The following NYAP2 variants were observed in gnomAD, a reference collection of about 807,000 sequenced individuals.
The protein encoded by NYAP2 is neuronal tyrosine-phosphorylated phosphoinositide-3-kinase adapter 2.
Under a neutral mutation model 50.4 loss-of-function variants are expected in NYAP2, and 23 were observed. That is an observed-to-expected ratio of 0.46 (90% confidence interval 0.33 to 0.65). The LOEUF (loss-of-function observed/expected upper bound fraction) is 0.65, where lower values mean the gene tolerates loss of function less well. NYAP2 is among the 30% of genes least tolerant of loss of function. NYAP2 has a pLI of 0.02. For synonymous variants in NYAP2, 394 were observed against 365.2 expected, an observed-to-expected ratio of 1.08 and a Z score of -0.90; for missense variants, 885 against 861.0, an observed-to-expected ratio of 1.03 and a Z score of -0.35.
At chr2:225,703,467 C>T in the NYAP2 span, 1 of 151,538 alleles carries the variant, frequency 6.6e-6, no homozygotes, top group Non-Finnish European at 1.5e-5. Context: ...TTTAATGTCT[C>T]TTAATTTTTG....
intron 3 of NYAP2, among the ~76,000 whole-genome samples, chr2:225,459,276 T>C (rs1363514749): frequency 6.6e-6 from 1 of 152,238 alleles, no homozygotes; most frequent in African/African-American, 2.4e-5. Flanking sequence ...GCAATATTTA[T>C]GCACAACAAT....
chr2:225,592,236 G>C (rs879426276), intron 5 of NYAP2, among the ~76,000 whole-genome samples: 1 of 152,146 alleles, frequency 6.6e-6, no homozygotes, highest in African/African-American at 2.4e-5. Flanking sequence ...GGGATACAGG[G>C]CTTTTGTTTT....
intron 3 of NYAP2, among the ~76,000 whole-genome samples, chr2:225,473,936 G>A (rs1225296315): frequency 6.6e-6 from 1 of 152,146 alleles, no homozygotes; most frequent in Non-Finnish European, 1.5e-5. Flanking sequence ...GGTTTTTATG[G>A]TTTTAGGTCT....
At chr2:225,543,793 G>T (rs1446004631) in intron 4 of NYAP2, among the ~76,000 whole-genome samples, 3 of 152,018 alleles carry the variant, frequency 2.0e-5, no homozygotes, top group Non-Finnish European at 4.4e-5. Flanking sequence ...CTATAGTTCA[G>T]ATTAAGTCCG....
intron 5 of NYAP2, among the ~76,000 whole-genome samples, chr2:225,597,252 G>T (rs1692616098): frequency 6.6e-6 from 1 of 151,476 alleles, no homozygotes; most frequent in Non-Finnish European, 1.5e-5. Flanking sequence ...CACCTAAGCA[G>T]TATACATTGT....
At chr2:225,477,231 C>CTT (rs11378712) in intron 3 of NYAP2, among the ~76,000 whole-genome samples, 13,164 of 87,378 alleles carry the variant, frequency 0.15, 1,894 homozygotes, top group Non-Finnish European at 0.16. Context: ...GTCTCTATTT[C>CTT]TTTTTTTTTT....
chr2:225,578,693 GA>G (rs2106226875), intron 4 of NYAP2, among the ~76,000 whole-genome samples: 1 of 152,296 alleles, frequency 6.6e-6, no homozygotes, highest in African/African-American at 2.4e-5. Flanking sequence ...GGGAGCAGGA[GA>G]AACTTAAGCG....
chr2:225,599,951 G>A (rs1692667464), intron 5 of NYAP2, among the ~76,000 whole-genome samples: 1 of 152,166 alleles, frequency 6.6e-6, no homozygotes, highest in Non-Finnish European at 1.5e-5. Flanking sequence ...TTGTGCAAAT[G>A]TAACCACACA....
At chr2:225,446,794 G>A (rs1689571795) in intron 3 of NYAP2, among the ~76,000 whole-genome samples, 1 of 152,076 alleles carries the variant, frequency 6.6e-6, no homozygotes, top group Admixed American at 6.5e-5. Flanking sequence ...GATGACTACT[G>A]CGCCTGTTAA....
At chr2:225,477,082 C>A (rs370792679) in intron 3 of NYAP2, among the ~76,000 whole-genome samples, 3 of 152,200 alleles carry the variant, frequency 2.0e-5, no homozygotes, top group African/African-American at 7.2e-5. Flanking sequence ...CACATCATAT[C>A]CAGCACTTGT....
the NYAP2 span, among the ~76,000 whole-genome samples, chr2:225,659,066 G>A: frequency 6.6e-6 from 1 of 152,192 alleles, no homozygotes; most frequent in South Asian, 2.1e-4. Flanking sequence ...TTCTGTCAGA[G>A]CAAGGAGGGT....
chr2:225,543,704 C>T (rs899426572), intron 4 of NYAP2, among the ~76,000 whole-genome samples: 4 of 151,944 alleles, frequency 2.6e-5, no homozygotes, highest in African/African-American at 7.2e-5. Flanking sequence ...TGAGAATGTT[C>T]CATGTGCTGA....
At chr2:225,437,290 A>G (rs1689394974) in intron 3 of NYAP2, among the ~76,000 whole-genome samples, 2 of 152,166 alleles carry the variant, frequency 1.3e-5, no homozygotes, top group South Asian at 4.1e-4. Flanking sequence ...AGGACTCAGT[A>G]TATGACAGTT....
chr2:225,505,658 C>T (rs1470949888), intron 3 of NYAP2, among the ~76,000 whole-genome samples: 1 of 152,142 alleles, frequency 6.6e-6, no homozygotes, highest in East Asian at 1.9e-4. Flanking sequence ...AAAAGTCAGC[C>T]AATAACTCTT....
At chr2:225,640,547 G>T (rs556393223) in intron 6 of NYAP2, among the ~76,000 whole-genome samples, 5 of 152,066 alleles carry the variant, frequency 3.3e-5, no homozygotes, top group Admixed American at 2.6e-4. Context: ...ACTAGTCCTA[G>T]TCTTTGCTGC....
chr2:225,476,362 A>G (rs1346303817), intron 3 of NYAP2, among the ~76,000 whole-genome samples: 1 of 151,752 alleles, frequency 6.6e-6, no homozygotes, highest in Non-Finnish European at 1.5e-5. Context: ...GCAGTGAGCC[A>G]AGATCACGCC....
At chr2:225,464,418 A>G (rs1442730267) in intron 3 of NYAP2, among the ~76,000 whole-genome samples, 1 of 152,186 alleles carries the variant, frequency 6.6e-6, no homozygotes, top group Non-Finnish European at 1.5e-5. Flanking sequence ...CTGTGGGAGA[A>G]GGTGCAGAGA....
intron 4 of NYAP2, among the ~76,000 whole-genome samples, chr2:225,538,777 CT>C (rs370852371): frequency 0.26 from 32,103 of 122,582 alleles, 4,178 homozygotes; most frequent in African/African-American, 0.32. Flanking sequence ...CTTTTCTTTT[CT>C]TTTCTTTCTT....
chr2:225,582,546 G>A lies in NYAP2; in HGVS notation c.1129G>A (p.Gly377Arg), dbSNP rs538675320. 6.4e-6 allele frequency: 10 copies of A among 1,574,774 alleles called. No homozygotes were observed. The East Asian group carries it at 1.1e-4, about 18-fold the overall frequency. ...CGTGTCTTACATGAAACAGCCAGCC[G>A]GGGCGTCGCCCTCCACGCTGCCGTC... Residue 377 changes from glycine to arginine, a missense_variant, in exon 5 of 7, where the codon GGG (glycine) becomes AGG (arginine). Physicochemically the swap from Gly to Arg is moderately radical, Grantham distance 125. Coordinates refer to ENST00000636099, the Ensembl canonical transcript of NYAP2. The surrounding 1 kb of genome is among the most constrained non-coding windows in gnomAD (Gnocchi z 7.0).
Sources: allele counts gnomAD v4.1 joint callset (sites outside exome capture counted in the v4.1 genomes callset), GRCh38; gene constraint gnomAD v4.1.1; non-coding constraint Gnocchi (gnomAD v3.1); transcripts MANE v1.5; gene names NCBI Gene and HGNC (gene_info 2026-07-23, HGNC 2026-07-21).